NEU1: variants seen among roughly 807,000 people sequenced by gnomAD.
NEU1 encodes the protein neuraminidase 1, also known as sialidase-1.
Under a neutral mutation model 38.3 loss-of-function variants are expected in NEU1, and 32 were observed. The ratio of observed to expected loss-of-function variants is 0.84; its 90% confidence interval spans 0.63 to 1.12. NEU1 has a LOEUF of 1.12. Ranked by LOEUF, NEU1 falls within the 50% of genes most tolerant of loss-of-function variation. The probability of loss-of-function intolerance (pLI) is 0.00; values close to 1 mark genes in which losing one functional copy is unlikely to be tolerated. For missense variants in NEU1, 431 were observed against 549.2 expected, an observed-to-expected ratio of 0.78 and a Z score of 2.15; for synonymous variants, 192 against 225.2, an observed-to-expected ratio of 0.85 and a Z score of 1.32.
At position 31,860,113 on chromosome 6, in the gene NEU1, A is replaced by G. The variant is rs1762445408; in HGVS notation, c.950T>C (p.Val317Ala). Residue 317 changes from valine (V) to alanine (A), a missense_variant, in exon 5 of 6, where the codon GTG (valine) becomes GCG (alanine). Transcript: ENST00000375631. The surrounding 1 kb of genome is among the most constrained non-coding windows in gnomAD (Gnocchi z 4.8). Reference sequence around the variant, plus strand: ...GGTGACTACAGCTCCTGCAGCTACCACAGGGTCCACGAGCTCAGGGTCGAA... The same window carrying G: ...GGTGACTACAGCTCCTGCAGCTACCGCAGGGTCCACGAGCTCAGGGTCGAA... Reference protein sequence around the residue: ...VTFDPELVDPVVAAGAVVTSS... With the variant: ...VTFDPELVDPAVAAGAVVTSS... The G allele has an allele frequency of 6.2e-7, 1 of 1,612,952 alleles. No individual in the cohort carries two copies. Among genetic ancestry groups the G allele is most frequent in the African/African-American group, 1.3e-5 (1 of 74,912 alleles).
intron 2 of NEU1, 155 bp from the exon 3 acceptor site, chr6:31,861,605 T>G (rs1025060411): frequency 1.1e-6 from 1 of 876,096 alleles, no homozygotes; most frequent in African/African-American, 1.7e-5. Context: ...CCTCTTGTCC[T>G]GTTTTATTTT....
rs1429072318 is a variant in NEU1, at chr6:31,859,263, CATG to C, written c.*453_*455del. ...ACAAACATTTTGATTGATAGTCAGTCATGGTGGTGCACCTAGTCCTTACTCTGA... is the reference window on the plus strand; with the variant it reads ...ACAAACATTTTGATTGATAGTCAGTCGTGGTGCACCTAGTCCTTACTCTGA... On this transcript the variant is annotated 3_prime_UTR_variant, in exon 6 of 6. Coordinates refer to ENST00000375631, the MANE Select transcript of NEU1 (RefSeq NM_000434.4). 9.2e-5 allele frequency: 26 copies of C among 281,214 alleles called. No individual in the cohort carries two copies. The East Asian group carries it at 2.1e-3, about 22-fold the overall frequency. The allele number at this position is 281,214 out of a possible 1,614,324, so 17.4% of individuals were successfully genotyped here. A position where few individuals can be genotyped will look rare whatever the true frequency, so the allele number is the denominator to read the frequency against.
At chr6:31,861,029 T>C (rs1762486980) in intron 3 of NEU1, 159 bp downstream of exon 3, 13 of 976,656 alleles carry the variant, frequency 1.3e-5, no homozygotes, top group Non-Finnish European at 1.7e-5. Context: ...CTTCTCCTGA[T>C]AATGTGTTCC....
chr6:31,861,991 C>T lies in NEU1; in HGVS notation c.352+8G>A. 1.9e-6 allele frequency: 3 copies of T among 1,613,034 alleles called. No individual in the cohort carries two copies. Among genetic ancestry groups the T allele is most frequent in the Non-Finnish European group, 2.5e-6 (3 of 1,180,018 alleles). On this transcript the variant is annotated splice_region_variant and intron_variant, in intron 2 of 5. Coordinates refer to ENST00000375631, the MANE Select transcript of NEU1 (RefSeq NM_000434.4). ...AGCACCGGCTCTTTCACCCAGACAT[C>T]TTTATACCCTGGTCCATGGACCTCC...
In NEU1 at chr6:31,862,593, TG is replaced by T; in HGVS notation, c.159+24del. The T allele has an allele frequency of 6.2e-7, 1 of 1,613,022 alleles. No individual in the cohort carries two copies. The highest frequency in any genetic ancestry group is 8.5e-7 in the Non-Finnish European group (1 of 1,180,012). On this transcript the variant is annotated intron_variant, in intron 1 of 5. Coordinates refer to ENST00000375631, the MANE Select transcript of NEU1 (RefSeq NM_000434.4). This position sits in a 1 kb window ranked among gnomAD's most constrained non-coding sequence, Gnocchi z 6.3. ...GTCGATCACCTGCGCGGGTCGGGGA[TG>T]GGGCTATGCAAAGGGTGACTCACCA...
Position 31,858,927 on chromosome 6 carries a change from C to T in NEU1, c.*792G>A, listed in dbSNP as rs1440381380. 7 of 153,002 alleles carry T rather than the reference C, an allele frequency of 4.6e-5. No homozygotes were observed. Among genetic ancestry groups the T allele is most frequent in the Admixed American group, 4.5e-4 (7 of 15,402 alleles). 9.5% of individuals were successfully genotyped at this position (153,002 alleles called of 1,614,324 possible). On this transcript the variant is annotated 3_prime_UTR_variant, in exon 6 of 6. Transcript: ENST00000375631. The stretch of plus-strand genomic sequence containing the variant: ...GTCCCAACTACTCCGGAGGCTGAGA[C>T]GTGAGGATCACTTGAGCCCAGGAGG...
In NEU1 at chr6:31,858,200, G is replaced by A. The variant is rs1439237657; in HGVS notation, c.*1519C>T. 1.3e-5 allele frequency: 2 copies of A among 152,190 alleles called. No homozygotes were observed. Among genetic ancestry groups the A allele is most frequent in the Non-Finnish European group, 2.9e-5 (2 of 68,066 alleles). The allele number at this position is 152,190 out of a possible 1,614,324, so 9.4% of individuals were successfully genotyped here. A position where few individuals can be genotyped will look rare whatever the true frequency, so the allele number is the denominator to read the frequency against. On this transcript the variant is annotated 3_prime_UTR_variant, in exon 6 of 6. Coordinates refer to ENST00000375631, the MANE Select transcript of NEU1 (RefSeq NM_000434.4). ...TAAAATATCTTACAGGCTGGGTGCA[G>A]GGGCTCAAGCCTGTAATCCCAGCAC...
Position 31,862,093 on chromosome 6 carries a change from C to T in NEU1, c.258G>A (p.Pro86=). The change falls in exon 2 of 6, where the codon CCG becomes CCA. Residue 86 remains proline, a synonymous_variant. Coordinates refer to ENST00000375631, the MANE Select transcript of NEU1 (RefSeq NM_000434.4). The surrounding 1 kb of genome is among the most constrained non-coding windows in gnomAD (Gnocchi z 6.3). The stretch of plus-strand genomic sequence containing the variant: ...CAGCAAAGGCGAGAAGAGTGCCCCG[C>T]GGAGTGGCTGTGATGAGCGGGATGC... ...TFRIPLITAT[P]RGTLLAFAEA... is the part of the protein sequence containing the mutation. 1.2e-6 allele frequency: 2 copies of T among 1,613,096 alleles called. No homozygotes were observed. The highest frequency in any genetic ancestry group is 1.7e-6 in the Non-Finnish European group (2 of 1,180,038).
At position 31,859,793 on chromosome 6, in the gene NEU1, G is replaced by C. The variant is rs1286901072; in HGVS notation, c.1174C>G (p.Leu392Val). 6.2e-7 allele frequency: 1 copy of C among 1,613,062 alleles called. No homozygotes were observed. Among genetic ancestry groups the C allele is most frequent in the Admixed American group, 1.7e-5 (1 of 60,024 alleles). Reference sequence around the variant, plus strand: ...TAGTGGTTCCGGCCTTTCTCATACAGGACGTAGAGCTGGGGGGCCTGCTCC... The same window carrying C: ...TAGTGGTTCCGGCCTTTCTCATACACGACGTAGAGCTGGGGGGCCTGCTCC... ...GEEQAPQLYV[L>V]YEKGRNHYTE... is the part of the protein sequence containing the mutation. Residue 392 changes from leucine (L) to valine (V), a missense_variant, in exon 6 of 6, where the codon CTG (leucine) becomes GTG (valine). Coordinates refer to ENST00000375631, the MANE Select transcript of NEU1 (RefSeq NM_000434.4).
In NEU1 at chr6:31,858,896, C is replaced by CG. The variant is rs71552094; in HGVS notation, c.*822_*823insC. On this transcript the variant is annotated 3_prime_UTR_variant, in exon 6 of 6. Transcript: ENST00000375631. The stretch of plus-strand genomic sequence containing the variant: ...AATTAACCAGGCATGGTGTCACTGA[C>CG]CTGTAGTCCCAACTACTCCGGAGGC... 6,923 of 152,490 alleles carry CG rather than the reference C, an allele frequency of 0.045. 238 individuals are homozygous for CG. Among genetic ancestry groups the CG allele is most frequent in the African/African-American group, 0.094 (3,911 of 41,480 alleles). 9.4% of individuals were successfully genotyped at this position (152,490 alleles called of 1,614,324 possible).
At position 31,862,253 on chromosome 6, in the gene NEU1, C is replaced by A; in HGVS notation, c.160-62G>T. On this transcript the variant is annotated intron_variant, in intron 1 of 5. Coordinates refer to ENST00000375631, the MANE Select transcript of NEU1 (RefSeq NM_000434.4). The surrounding 1 kb of genome is among the most constrained non-coding windows in gnomAD (Gnocchi z 6.3). ...TTGTCTTGGGGGTTTTAGGAACCCA[C>A]GTTCCGATGGGAGAGGGAGGATCTA... The A allele has an allele frequency of 6.4e-7, 1 of 1,566,788 alleles. No homozygotes were observed. The highest frequency in any genetic ancestry group is 1.1e-5 in the South Asian group (1 of 88,876).
chr6:31,862,800 C>T lies in NEU1; in HGVS notation c.-24G>A. On this transcript the variant is annotated 5_prime_UTR_variant, in exon 1 of 6. Transcript: ENST00000375631. The surrounding 1 kb of genome is among the most constrained non-coding windows in gnomAD (Gnocchi z 6.3). ...ATCTCTCCCCGCAGCTGCCGCGACC[C>T]TGGCAGCTAGACTCCACAGAGTCGG... 1.2e-6 allele frequency: 2 copies of T among 1,612,298 alleles called. No homozygotes were observed. Among genetic ancestry groups the T allele is most frequent in the Non-Finnish European group, 1.7e-6 (2 of 1,179,794 alleles).
intron 2 of NEU1, 75 bp downstream of exon 2, chr6:31,861,924 T>G: frequency 6.5e-7 from 1 of 1,540,560 alleles, no homozygotes; most frequent in Non-Finnish European, 9.0e-7. Flanking sequence ...TCCCCTATCC[T>G]CAGGGCCCTT....
In NEU1 at chr6:31,862,017, G is replaced by T. The variant is rs746409290; in HGVS notation, c.334C>A (p.Arg112=). ...SDEGAKFIAL[R]RSMDQGSTWS... ...TTTATACCCTGGTCCATGGACCTCC[G>T]CAGGGCGATGAACTTGGCCCCCTCA... is the stretch of plus-strand genomic sequence containing the variant. Residue 112 remains arginine, a synonymous_variant, in exon 2 of 6, where the codon CGG becomes AGG. Transcript: ENST00000375631. The surrounding 1 kb of genome is among the most constrained non-coding windows in gnomAD (Gnocchi z 6.3). 1 of 1,613,028 alleles carries T rather than the reference G, an allele frequency of 6.2e-7. No homozygotes were observed. The highest frequency in any genetic ancestry group is 8.5e-7 in the Non-Finnish European group (1 of 1,180,032).
rs954885461 is a variant in NEU1, at chr6:31,862,345, C to A, written c.160-154G>T. Among the ~76,000 whole-genome samples, 10 of 151,980 alleles carry A rather than the reference C, an allele frequency of 6.6e-5. No individual in the cohort carries two copies. Among genetic ancestry groups the A allele is most frequent in the Admixed American group, 4.6e-4 (7 of 15,254 alleles). ...GAGGAACACGAAGGGGAGTTTGGAG[C>A]GAAGCTGGAGGCTCGGAGCAGGGGA... On this transcript the variant is annotated intron_variant, in intron 1 of 5. Coordinates refer to ENST00000375631, the MANE Select transcript of NEU1 (RefSeq NM_000434.4). This position sits in a 1 kb window ranked among gnomAD's most constrained non-coding sequence, Gnocchi z 6.3.
Position 31,859,295 on chromosome 6 carries a change from C to A in NEU1, c.*424G>T. 1 of 340,848 alleles carries A rather than the reference C, an allele frequency of 2.9e-6. No homozygotes were observed. Among genetic ancestry groups the A allele is most frequent in the Non-Finnish European group, 5.6e-6 (1 of 177,572 alleles). 21.1% of individuals were successfully genotyped at this position (340,848 alleles called of 1,614,324 possible). A position where few individuals can be genotyped will look rare whatever the true frequency, so the allele number is the denominator to read the frequency against. ...GTGCACCTAGTCCTTACTCTGAAACCAAATATCCTGCCATCTGGGGACTTT... is the reference window on the plus strand; with the variant it reads ...GTGCACCTAGTCCTTACTCTGAAACAAAATATCCTGCCATCTGGGGACTTT... On this transcript the variant is annotated 3_prime_UTR_variant, in exon 6 of 6. Coordinates refer to ENST00000375631, the MANE Select transcript of NEU1 (RefSeq NM_000434.4).
At chr6:31,861,946 G>A (rs1762532452) in intron 2 of NEU1, 53 bp downstream of exon 2, 3 of 1,598,308 alleles carry the variant, frequency 1.9e-6, no homozygotes, top group African/African-American at 1.3e-5. Context: ...GGCTCATTGG[G>A]CTGCCCACCC....
In NEU1 at chr6:31,858,715, G is replaced by A. The variant is rs757960430; in HGVS notation, c.*1004C>T. 1 of 151,876 alleles carries A rather than the reference G, an allele frequency of 6.6e-6. No homozygotes were observed. Among genetic ancestry groups the A allele is most frequent in the Non-Finnish European group, 1.5e-5 (1 of 67,990 alleles). 9.4% of individuals were successfully genotyped at this position (151,876 alleles called of 1,614,324 possible). A position where few individuals can be genotyped will look rare whatever the true frequency, so the allele number is the denominator to read the frequency against. On this transcript the variant is annotated 3_prime_UTR_variant, in exon 6 of 6. Coordinates refer to ENST00000375631, the MANE Select transcript of NEU1 (RefSeq NM_000434.4). ...CCTGTGAAGATCAACCTGTTTCTCGGTGATAAGAAGGAATGTAGGCTGGGT... is the reference window on the plus strand; with the variant it reads ...CCTGTGAAGATCAACCTGTTTCTCGATGATAAGAAGGAATGTAGGCTGGGT...
chr6:31,859,733 A>T lies in NEU1; in HGVS notation c.1234T>A (p.Tyr412Asn), dbSNP rs751743686. ...AGTGGCACAGCTCAGAGTGTCCCATAGACACTGATTTTGGCCACGGAGATG... is the reference window on the plus strand; with the variant it reads ...AGTGGCACAGCTCAGAGTGTCCCATTGACACTGATTTTGGCCACGGAGATG... ...ESISVAKISV[Y>N]GTL The change falls in exon 6 of 6, where the codon TAT (tyrosine) becomes AAT (asparagine). Residue 412 changes from tyrosine (Y) to asparagine (N), a missense_variant. Transcript: ENST00000375631. The T allele has an allele frequency of 2.0e-5, 33 of 1,612,666 alleles. No homozygotes were observed. The highest frequency in any genetic ancestry group is 2.7e-5 in the Non-Finnish European group (32 of 1,179,900).
Sources: gnomAD v4.1 joint callset for allele counts (sites outside exome capture counted in the v4.1 genomes callset) on GRCh38, gnomAD v4.1.1 for gene constraint, Gnocchi (gnomAD v3.1) non-coding constraint, MANE v1.5 for transcripts, NCBI Gene and HGNC (gene_info 2026-07-23, HGNC 2026-07-21) for gene names.